Variants in CHD7 observed in about 807,000 individuals in gnomAD.
CHD7 encodes the protein chromodomain helicase DNA binding protein 7, also known as ATP-dependent chromatin remodeler CHD7.
Under a neutral mutation model 307.3 loss-of-function variants are expected in CHD7, and 24 were observed. The ratio of observed to expected loss-of-function variants is 0.08; its 90% CI spans 0.06 to 0.11. The LOEUF (loss-of-function observed/expected upper bound fraction) is 0.11. CHD7 is among the 10% of genes least tolerant of loss of function. The pLI, the probability that CHD7 is intolerant of heterozygous loss-of-function variation, is 1.00. For synonymous variants in CHD7, 1,363 were observed against 1,349.9 expected, an observed-to-expected ratio of 1.01 and a Z score of -0.21; for missense variants, 3,106 against 3,727.1, an observed-to-expected ratio of 0.83 and a Z score of 4.34.
intron 13 of CHD7, among the ~76,000 whole-genome samples, chr8:60,827,459 T>G (rs886801546): frequency 6.7e-6 from 1 of 149,266 alleles, no homozygotes; most frequent in Admixed American, 6.7e-5. Context: ...TGATGGGACT[T>G]AAAAAAAAAA....
In CHD7 at chr8:60,712,879, T is replaced by C. The variant is rs572424288; in HGVS notation, c.-174-28380T>C. On this transcript the variant is annotated intron_variant, in intron 1 of 37. Transcript: ENST00000423902. ...AGCCTGGCTAATATGGTGAAACTCC[T>C]TCTCCACTAAAAATACAAAAAAGTA... is the stretch of plus-strand genomic sequence containing the variant. Among the ~76,000 whole-genome samples the C allele has an allele frequency of 5.9e-5, 9 of 151,942 alleles. No individual in the cohort carries two copies. The South Asian group carries it at 1.7e-3, about 28-fold the overall frequency.
chr8:60,772,746 A>G (rs908592058), intron 2 of CHD7, among the ~76,000 whole-genome samples: 2 of 152,216 alleles, frequency 1.3e-5, no homozygotes, highest in Admixed American at 1.3e-4. Flanking sequence ...AAGAAAAGAG[A>G]GAAGGGAGAG....
chr8:60,780,573 A>T (rs1811164945), intron 2 of CHD7, among the ~76,000 whole-genome samples: 1 of 152,216 alleles, frequency 6.6e-6, no homozygotes, highest in South Asian at 2.1e-4. Context: ...ATACTTGCTC[A>T]TTTTAAAAAT....
At position 60,856,139 on chromosome 8, in the gene CHD7, C is replaced by T. The variant is rs748399177; in HGVS notation, c.7101C>T (p.Ser2367=). 2 of 1,608,380 alleles carry T rather than the reference C, an allele frequency of 1.2e-6. No individual in the cohort carries two copies. Among genetic ancestry groups the T allele is most frequent in the Non-Finnish European group, 1.7e-6 (2 of 1,177,234 alleles). ...AGAAGAGGAGCTTTGCTGAGCTCTC[C>T]ATGGTCGGCCAAGCCAGCATTAGTG... ...PLQKRSFAEL[S]MVGQASISGS... is the part of the protein sequence containing the mutation. Residue 2367 remains serine (S), a synonymous_variant, in exon 33 of 38, where the codon TCC becomes TCT. Transcript: ENST00000423902.
intron 9 of CHD7, among the ~76,000 whole-genome samples, chr8:60,820,672 C>T (rs1451746409): frequency 6.6e-6 from 1 of 152,122 alleles, no homozygotes; most frequent in Non-Finnish European, 1.5e-5. Context: ...TAATGATGTG[C>T]CCACCCACCA....
At chr8:60,768,754 A>G (rs556501966) in intron 2 of CHD7, among the ~76,000 whole-genome samples, 81 of 152,292 alleles carry the variant, frequency 5.3e-4, no homozygotes, top group African/African-American at 1.8e-3. Context: ...TCAGTACTGG[A>G]CTAGATATCA....
At chr8:60,680,408 G>T (rs865903319) in intron 1 of CHD7, among the ~76,000 whole-genome samples, 3 of 108,022 alleles carry the variant, frequency 2.8e-5, no homozygotes, top group Non-Finnish European at 5.3e-5. Context: ...CGGGGGGGGG[G>T]GGCGGGGGCG....
At chr8:60,725,389 GT>G (rs1808115719) in intron 1 of CHD7, among the ~76,000 whole-genome samples, 1 of 152,202 alleles carries the variant, frequency 6.6e-6, no homozygotes, top group South Asian at 2.1e-4. Flanking sequence ...ATCCCAAAGT[GT>G]ACCATCAAGA....
At chr8:60,860,182 C>T (rs1279545858) in intron 34 of CHD7, among the ~76,000 whole-genome samples, 1 of 152,020 alleles carries the variant, frequency 6.6e-6, no homozygotes, top group Non-Finnish European at 1.5e-5. Flanking sequence ...CACAGAGTGC[C>T]CATAAGTTAC....
chr8:60,692,075 A>G (rs1407190788), intron 1 of CHD7, among the ~76,000 whole-genome samples: 1 of 152,218 alleles, frequency 6.6e-6, no homozygotes, highest in African/African-American at 2.4e-5. Flanking sequence ...ATGTTATGCA[A>G]TGAATGTACT....
chr8:60,764,622 C>CCATT (rs1012765973), intron 2 of CHD7, among the ~76,000 whole-genome samples: 43 of 152,254 alleles, frequency 2.8e-4, no homozygotes, highest in Admixed American at 1.4e-3. Context: ...ATCTATTCAG[C>CCATT]CATTCATTCA....
chr8:60,678,766 C>CGGCGGG lies in CHD7; in HGVS notation c.-486_-485insGGGCGG, dbSNP rs1805395672. On this transcript the variant is annotated 5_prime_UTR_variant, in exon 1 of 38. Coordinates refer to ENST00000423902, the MANE Select transcript of CHD7 (RefSeq NM_017780.4). ...CGCAGGCGCTGGCGTGCTGGGGCCG[C>CGGCGGG]GGCGGCGGCGGCGGCGGCGGCGGCA... 1 of 137,560 alleles carries CGGCGGG rather than the reference C, an allele frequency of 7.3e-6. No individual in the cohort carries two copies. Among genetic ancestry groups the CGGCGGG allele is most frequent in the African/African-American group, 2.6e-5 (1 of 38,212 alleles). 8.5% of individuals were successfully genotyped at this position (137,560 alleles called of 1,614,324 possible). A position where few individuals can be genotyped will look rare whatever the true frequency, so the allele number is the denominator to read the frequency against.
intron 2 of CHD7, among the ~76,000 whole-genome samples, chr8:60,778,099 G>A (rs1811038158): frequency 6.7e-6 from 1 of 150,208 alleles, no homozygotes; most frequent in Non-Finnish European, 1.5e-5. Flanking sequence ...GTGGGGTGGG[G>A]GGTGGAGGGG....
At position 60,866,064 on chromosome 8, in the gene CHD7, C is replaced by A. The variant is rs1806232874; in HGVS notation, c.*131C>A. ...ACATAGTGTAGCAAAAAAAAAAGTT[C>A]AAGTCATGTTATACAGGTGTGTCAA... On this transcript the variant is annotated 3_prime_UTR_variant, in exon 38 of 38. Transcript: ENST00000423902. The A allele has an allele frequency of 6.4e-6, 5 of 786,592 alleles. No homozygotes were observed. Among genetic ancestry groups the A allele is most frequent in the Non-Finnish European group, 1.0e-5 (5 of 493,410 alleles). The allele number at this position is 786,592 out of a possible 1,614,324, so 48.7% of individuals were successfully genotyped here.
At chr8:60,684,427 A>C (rs185356001) in intron 1 of CHD7, among the ~76,000 whole-genome samples, 109 of 152,328 alleles carry the variant, frequency 7.2e-4, no homozygotes, top group Admixed American at 5.6e-3. Flanking sequence ...TATAGTGATG[A>C]CATGAGAAGA....
rs1181791286 is a variant in CHD7 at position 60,735,619 on chromosome 8, T to G, written c.-174-5640T>G. ...AGGAGACATAGGTTGTAAGTATAGT[T>G]AACATAAAATATGATATATGGAAAA... On this transcript the variant is annotated intron_variant, in intron 1 of 37. Transcript: ENST00000423902. Among the ~76,000 whole-genome samples the G allele has an allele frequency of 2.0e-5, 3 of 152,308 alleles. No homozygotes were observed. In the East Asian group the frequency reaches 5.8e-4, roughly 29 times the overall value.
chr8:60,710,080 T>A (rs1586194741), intron 1 of CHD7, among the ~76,000 whole-genome samples: 1 of 152,268 alleles, frequency 6.6e-6, no homozygotes, highest in East Asian at 1.9e-4. Flanking sequence ...ATGTCACTTT[T>A]TTTTTTTTAC....
Position 60,733,887 on chromosome 8 carries a change from C to A in CHD7, c.-174-7372C>A, listed in dbSNP as rs774997602. On this transcript the variant is annotated intron_variant, in intron 1 of 37. Coordinates refer to ENST00000423902, the MANE Select transcript of CHD7 (RefSeq NM_017780.4). The stretch of plus-strand genomic sequence containing the variant: ...ACCTGTGAAATAGTATGTTATGTAA[C>A]ATAGCATTAGATATTAATGTTAACT... Among the ~76,000 whole-genome samples, 3 of 152,048 alleles carry A rather than the reference C, an allele frequency of 2.0e-5. No homozygotes were observed. In the South Asian group the frequency reaches 6.2e-4, roughly 31 times the overall value.
chr8:60,695,616 G>T (rs1417507864), intron 1 of CHD7, among the ~76,000 whole-genome samples: 2 of 152,192 alleles, frequency 1.3e-5, no homozygotes, highest in African/African-American at 4.8e-5. Flanking sequence ...TACTAAAAAG[G>T]CGCATCAGCA....
Sources: gnomAD v4.1 joint callset for allele counts (sites outside exome capture counted in the v4.1 genomes callset) on GRCh38, gnomAD v4.1.1 for gene constraint, MANE v1.5 for transcripts, NCBI Gene and HGNC (gene_info 2026-07-23, HGNC 2026-07-21) for gene names.